Variants in MOCS1 observed in about 807,000 individuals in gnomAD.
MOCS1 encodes molybdenum cofactor biosynthesis protein 1.
A neutral mutation model predicts 57.6 loss-of-function variants in MOCS1; 39 were observed. That is an observed-to-expected ratio of 0.68 (90% CI 0.52 to 0.88). The LOEUF (loss-of-function observed/expected upper bound fraction) is 0.88. Ranked by LOEUF, MOCS1 falls within the 40% of genes least tolerant of loss-of-function variation. The probability of loss-of-function intolerance (pLI) is 0.00; values close to 1 mark genes in which losing one functional copy is unlikely to be tolerated. For missense variants in MOCS1, 795 were observed against 831.1 expected (o/e 0.96, Z 0.53); for synonymous variants, 334 against 335.7 (o/e 1.00, Z 0.05).
intron 3 of MOCS1, among the ~76,000 whole-genome samples, chr6:39,924,162 T>C (rs1323024677): frequency 6.6e-6 from 1 of 152,226 alleles, no homozygotes; most frequent in Non-Finnish European, 1.5e-5. Flanking sequence ...GGGCATTTCA[T>C]TCTCATTCCC....
At chr6:39,913,190 C>T in intron 6 of MOCS1, 127 bp downstream of exon 6, 1 of 945,140 alleles carries the variant, frequency 1.1e-6, no homozygotes, top group Admixed American at 1.9e-5. Flanking sequence ...CGAGAAGCCA[C>T]CAACAGCCCA....
chr6:39,927,616 C>G (rs1438402083), intron 1 of MOCS1, 161 bp from the exon 2 acceptor site: 3 of 1,599,660 alleles, frequency 1.9e-6, no homozygotes, highest in Non-Finnish European at 2.5e-6. Flanking sequence ...TGGGATTGTC[C>G]CTCTCGTTGA....
At position 39,916,102 on chromosome 6, in the gene MOCS1, C is replaced by T; in HGVS notation, c.549G>A (p.Val183=). The change falls in exon 4 of 11, where the codon GTG becomes GTA. Residue 183 remains valine, a synonymous_variant. Transcript: ENST00000340692. Reference sequence around the variant, plus strand: ...GGACAATGAACTCAAACTTGGCAGGCACCAGGGTGTCCAGGCTGATGTTGA... The same window carrying T: ...GGACAATGAACTCAAACTTGGCAGGTACCAGGGTGTCCAGGCTGATGTTGA... ...SAINISLDTL[V]PAKFEFIVRR... The T allele has an allele frequency of 1.9e-6, 3 of 1,613,048 alleles. No individual in the cohort carries two copies. Among genetic ancestry groups the T allele is most frequent in the Non-Finnish European group, 2.5e-6 (3 of 1,179,670 alleles).
In MOCS1 at chr6:39,904,186, T is replaced by TC; in HGVS notation, c.*2170dup. On this transcript the variant is annotated 3_prime_UTR_variant, in exon 11 of 11. Coordinates refer to ENST00000340692, the MANE Select transcript of MOCS1 (RefSeq NM_001358530.2). ...TGGAAGCTGTTCAAGATACATTTGATCTTCAGAAAAGCAGAATTTGGTTCA... is the reference window on the plus strand; with the variant it reads ...TGGAAGCTGTTCAAGATACATTTGATCCTTCAGAAAAGCAGAATTTGGTTCA... The TC allele has an allele frequency of 2.2e-6, 1 of 456,710 alleles. No individual in the cohort carries two copies. The highest frequency in any genetic ancestry group is 4.4e-6 in the Non-Finnish European group (1 of 226,966). The allele number at this position is 456,710 out of a possible 1,614,324, so 28.3% of individuals were successfully genotyped here.
chr6:39,904,631 AG>A lies in MOCS1; in HGVS notation c.*1725del. 2.2e-6 allele frequency: 1 copy of A among 454,164 alleles called. No individual in the cohort carries two copies. Among genetic ancestry groups the A allele is most frequent in the South Asian group, 1.6e-5 (1 of 64,476 alleles). 28.1% of individuals were successfully genotyped at this position (454,164 alleles called of 1,614,324 possible). A position where few individuals can be genotyped will look rare whatever the true frequency, so the allele number is the denominator to read the frequency against. ...AGAAAATTCTCCAGGTGAATGGGGA[AG>A]GGTCTGTTCCAGCCTCTCCCTACTC... On this transcript the variant is annotated 3_prime_UTR_variant, in exon 11 of 11. Transcript: ENST00000340692.
At chr6:39,929,415 T>A (rs960581299) in intron 1 of MOCS1, among the ~76,000 whole-genome samples, 1 of 152,158 alleles carries the variant, frequency 6.6e-6, no homozygotes. Context: ...ATTGCAGTGC[T>A]GTGCCCTCTT....
At chr6:39,923,924 C>T (rs1343319552) in intron 3 of MOCS1, among the ~76,000 whole-genome samples, 2 of 152,194 alleles carry the variant, frequency 1.3e-5, no homozygotes, top group African/African-American at 4.8e-5. Context: ...CAGTAGGAGG[C>T]ATGCAAGAGG....
At chr6:39,929,043 G>A (rs750796018) in intron 1 of MOCS1, among the ~76,000 whole-genome samples, 14 of 152,166 alleles carry the variant, frequency 9.2e-5, no homozygotes, top group Non-Finnish European at 1.8e-4. Flanking sequence ...GGCAGCCCTT[G>A]ACTGGGTCAA....
In MOCS1 at chr6:39,927,494, T is replaced by C. The variant is rs995573053; in HGVS notation, c.124-39A>G. 21 of 1,609,866 alleles carry C rather than the reference T, an allele frequency of 1.3e-5. No individual in the cohort carries two copies. Among genetic ancestry groups the C allele is most frequent in the Admixed American group, 8.4e-5 (5 of 59,574 alleles). ...CCAGGGAGGAAGCATGGGCCCCTGCTACCGGGCTGGGAAGAGGCACAAGGA... is the reference window on the plus strand; with the variant it reads ...CCAGGGAGGAAGCATGGGCCCCTGCCACCGGGCTGGGAAGAGGCACAAGGA... On this transcript the variant is annotated intron_variant, in intron 1 of 10. Coordinates refer to ENST00000340692, the MANE Select transcript of MOCS1 (RefSeq NM_001358530.2).
rs150364145 is a variant in MOCS1 at position 39,927,383 on chromosome 6, C to T, written c.196G>A (p.Gly66Ser). The T allele has an allele frequency of 5.8e-5, 93 of 1,612,592 alleles. No homozygotes were observed. The highest frequency in any genetic ancestry group is 7.2e-5 in the Non-Finnish European group (85 of 1,179,864). The change falls in exon 2 of 11, where the codon GGC (glycine) becomes AGC (serine). Residue 66 changes from glycine (G) to serine (S), a missense_variant. Gly to Ser is a moderately conservative substitution (Grantham distance 56). Around this residue, in one of 3 missense-constraint regions of MOCS1, gnomAD observed 416 missense variants for 392.4 expected, o/e 1.06. Transcript: ENST00000340692. ...ATCCGCAGGTAGCTGTGCTGCCGGCCGAAGCTGTCTGTGAGGAAGGCGGAG... is the reference window on the plus strand; with the variant it reads ...ATCCGCAGGTAGCTGTGCTGCCGGCTGAAGCTGTCTGTGAGGAAGGCGGAG... ...PFSAFLTDSF[G>S]RQHSYLRISL... is the part of the protein sequence containing the mutation.
intron 1 of MOCS1, among the ~76,000 whole-genome samples, chr6:39,928,533 T>C (rs1171391264): frequency 6.6e-6 from 1 of 152,092 alleles, no homozygotes; most frequent in Non-Finnish European, 1.5e-5. Flanking sequence ...GGATGACAAC[T>C]AGGGTGGGTA....
At chr6:39,907,375 C>T (rs182209636) in intron 10 of MOCS1, among the ~76,000 whole-genome samples, 139 of 148,384 alleles carry the variant, frequency 9.4e-4, no homozygotes, top group South Asian at 1.9e-3. Context: ...GCTGTGCCAC[C>T]GTGGCACAGG....
At chr6:39,913,735 G>A in intron 5 of MOCS1, 39 bp downstream of exon 5, 3 of 1,609,020 alleles carry the variant, frequency 1.9e-6, no homozygotes, top group South Asian at 1.1e-5. Flanking sequence ...GGGCAGTGTG[G>A]AGGGAAGTCG....
At chr6:39,915,192 T>C (rs1360137998) in intron 4 of MOCS1, among the ~76,000 whole-genome samples, 2 of 152,232 alleles carry the variant, frequency 1.3e-5, no homozygotes, top group African/African-American at 4.8e-5. Context: ...ATGTGTCTTC[T>C]GTCCCCTCCA....
chr6:39,904,722 C>G lies in MOCS1; in HGVS notation c.*1635G>C. ...TCTCCCCCGACTTCTACCAGGGATG[C>G]CTTCACGCCAAGGCTGTTCTCACCA... is the stretch of plus-strand genomic sequence containing the variant. On this transcript the variant is annotated 3_prime_UTR_variant, in exon 11 of 11. Transcript: ENST00000340692. The G allele has an allele frequency of 4.4e-6, 2 of 454,142 alleles. No homozygotes were observed. Among genetic ancestry groups the G allele is most frequent in the Non-Finnish European group, 8.8e-6 (2 of 226,788 alleles). 28.1% of individuals were successfully genotyped at this position (454,142 alleles called of 1,614,324 possible).
intron 5 of MOCS1, 150 bp from the exon 6 acceptor site, chr6:39,913,578 T>TG: frequency 1.1e-6 from 1 of 948,286 alleles, no homozygotes; most frequent in Non-Finnish European, 1.7e-6. Context: ...CGGGATTCCT[T>TG]GGGGTCACTG....
At position 39,927,132 on chromosome 6, in the gene MOCS1, T is replaced by C. The variant is rs1006111602; in HGVS notation, c.250+197A>G. ...AATCTAATTCCAAGTAGGACACAGCTTCTATAATCATACAACTCAGCCTTG... is the reference window on the plus strand; with the variant it reads ...AATCTAATTCCAAGTAGGACACAGCCTCTATAATCATACAACTCAGCCTTG... On this transcript the variant is annotated intron_variant, in intron 2 of 10. Coordinates refer to ENST00000340692, the MANE Select transcript of MOCS1 (RefSeq NM_001358530.2). 23 of 603,858 alleles carry C rather than the reference T, an allele frequency of 3.8e-5. 1 individual carries two copies. In the South Asian group the frequency reaches 4.2e-4, roughly 11 times the overall value. The allele number at this position is 603,858 out of a possible 1,614,324, so 37.4% of individuals were successfully genotyped here.
chr6:39,934,314 G>T lies in MOCS1; in HGVS notation c.104C>A (p.Ser35Tyr). Residue 35 changes from serine to tyrosine, a missense_variant, in exon 1 of 11, where the codon TCC becomes TAC. By Grantham distance (144) the Ser-to-Tyr change is moderately radical. Coordinates refer to ENST00000340692, the MANE Select transcript of MOCS1 (RefSeq NM_001358530.2). ...GCTCACCTCCGAGGCAGCTCGCGCGGACTCCCCGGGGCAGGGCTGGGTCAC... is the reference window on the plus strand; with the variant it reads ...GCTCACCTCCGAGGCAGCTCGCGCGTACTCCCCGGGGCAGGGCTGGGTCAC... ...APVTQPCPGE[S>Y]ARAASEEVSR... is the part of the protein sequence containing the mutation. 6.5e-7 allele frequency: 1 copy of T among 1,547,052 alleles called. No homozygotes were observed. The highest frequency in any genetic ancestry group is 1.2e-5 in the South Asian group (1 of 84,618).
At chr6:39,907,162 C>T in intron 10 of MOCS1, 45 bp from the exon 11 acceptor site, 1 of 1,563,026 alleles carries the variant, frequency 6.4e-7, no homozygotes, top group Non-Finnish European at 8.6e-7. Context: ...GTCCAAAAGG[C>T]AATTCTTTTT....
Sources: gnomAD v4.1 joint callset for allele counts (sites outside exome capture counted in the v4.1 genomes callset) on GRCh38, gnomAD v4.1.1 for gene constraint, gnomAD v4.1.1 regional missense constraint, MANE v1.5 for transcripts, NCBI Gene and HGNC (gene_info 2026-07-23, HGNC 2026-07-21) for gene names.